The following LCNL1 variants were observed in gnomAD, a reference collection of about 807,000 sequenced individuals.
The protein encoded by LCNL1 is lipocalin-like 1 protein.
A neutral mutation model predicts 7.9 loss-of-function variants in LCNL1; 11 were observed. The ratio of observed to expected loss-of-function variants is 1.40; its 90% confidence interval spans 0.88 to 2.32. The LOEUF is 2.32. Among genes scored for constraint, LCNL1 ranks in the 30% most tolerant of loss-of-function variants. The probability of loss-of-function intolerance (pLI) is 0.00; values close to 1 mark genes in which losing one functional copy is unlikely to be tolerated. For missense variants in LCNL1, 218 were observed against 217.0 expected, an observed-to-expected ratio of 1.00 and a Z score of -0.03; for synonymous variants, 90 against 92.5, an observed-to-expected ratio of 0.97 and a Z score of 0.15.
chr9:136,984,865 G>A lies in LCNL1; in HGVS notation c.349G>A (p.Gly117Arg). 6.4e-7 allele frequency: 1 copy of A among 1,560,908 alleles called. No homozygotes were observed. Among genetic ancestry groups the A allele is most frequent in the South Asian group, 1.2e-5 (1 of 84,986 alleles). ...AGRRPRHPRF[G>R]SGMSPLCLHQ... ...GCGGAGACCCAGACACCCCCGCTTC[G>A]GGTCTGGGATGTCACCCCTGTGCCT... Residue 117 changes from glycine to arginine, a missense_variant, in exon 3 of 3, where the codon GGG (glycine) becomes AGG (arginine). Physicochemically the swap from Gly to Arg is moderately radical, Grantham distance 125 (BLOSUM62 -2). Transcript: ENST00000408973.
chr9:136,984,455 T>C, intron 1 of LCNL1, 35 bp from the exon 2 acceptor site: 2 of 1,520,452 alleles, frequency 1.3e-6, no homozygotes, highest in Non-Finnish European at 1.8e-6. Flanking sequence ...TGGGCAGGGG[T>C]GGCCACTCAG....
At position 136,983,379 on chromosome 9, in the gene LCNL1, C is replaced by T. The variant is rs376084629; in HGVS notation, c.-208C>T. ...CCCCTGGGTGCCAGCTGCAGACAGG[C>T]CGGTGCTGGGCTGGTGGGGGCCAGT... is the stretch of plus-strand genomic sequence containing the variant. On this transcript the variant is annotated 5_prime_UTR_variant, in exon 1 of 3. Transcript: ENST00000408973. 29 of 569,486 alleles carry T rather than the reference C, an allele frequency of 5.1e-5. No homozygotes were observed. In the East Asian group the frequency reaches 7.8e-4, roughly 15 times the overall value. 35.3% of individuals were successfully genotyped at this position (569,486 alleles called of 1,614,324 possible). A position where few individuals can be genotyped will look rare whatever the true frequency, so the allele number is the denominator to read the frequency against.
At chr9:136,984,314 C>A in intron 1 of LCNL1, 176 bp from the exon 2 acceptor site, 1 of 570,138 alleles carries the variant, frequency 1.8e-6, no homozygotes, top group Non-Finnish European at 3.0e-6. Flanking sequence ...GTACTTAATA[C>A]CCACCCCACC....
intron 1 of LCNL1, chr9:136,983,951 T>A: frequency 1.9e-6 from 1 of 528,548 alleles, no homozygotes; most frequent in Non-Finnish European, 3.5e-6. Context: ...TGTCTGTGTG[T>A]GTATCACTGT....
chr9:136,984,130 GTGTC>G (rs1830470705), intron 1 of LCNL1: 1 of 413,446 alleles, frequency 2.4e-6, no homozygotes. Flanking sequence ...CTGGCTGTGT[GTGTC>G]TATCTCTGTG....
Position 136,984,667 on chromosome 9 carries a change from G to T in LCNL1, c.197-46G>T, listed in dbSNP as rs760662625. On this transcript the variant is annotated intron_variant, in intron 2 of 2. Transcript: ENST00000408973. The stretch of plus-strand genomic sequence containing the variant: ...GGGGCGTGAGGGGTGCCACGCTCGG[G>T]GGGGAGGTGCCCTGGGCCTGGGGTC... The T allele has an allele frequency of 2.7e-4, 407 of 1,514,390 alleles. 1 individual carries two copies. The highest frequency in any genetic ancestry group is 9.1e-4 in the Admixed American group (43 of 47,176). The allele number at this position is 1,514,390 out of a possible 1,614,324, so 93.8% of individuals were successfully genotyped here. A position where few individuals can be genotyped will look rare whatever the true frequency, so the allele number is the denominator to read the frequency against.
In LCNL1 at chr9:136,985,249, G is replaced by C. The variant is rs1422244584; in HGVS notation, c.*238G>C. The C allele has an allele frequency of 4.1e-6, 2 of 490,332 alleles. No individual in the cohort carries two copies. Among genetic ancestry groups the C allele is most frequent in the East Asian group, 6.9e-5 (2 of 29,174 alleles). The allele number at this position is 490,332 out of a possible 1,614,324, so 30.4% of individuals were successfully genotyped here. A position where few individuals can be genotyped will look rare whatever the true frequency, so the allele number is the denominator to read the frequency against. On this transcript the variant is annotated 3_prime_UTR_variant, in exon 3 of 3. Coordinates refer to ENST00000408973, the MANE Select transcript of LCNL1 (RefSeq NM_207510.4). ...TCTCAGATTCGGGACAGAAGTGCCC[G>C]GGGCAGACCCAGCCTGTCTGGGTCG...
At position 136,985,046 on chromosome 9, in the gene LCNL1, C is replaced by G. The variant is rs1189586831; in HGVS notation, c.*35C>G. ...CCTCCCCACCTTCAGCTCGAGCGCC[C>G]GAGCTGTTTCCCGAAGGCGCCCAGA... is the stretch of plus-strand genomic sequence containing the variant. On this transcript the variant is annotated 3_prime_UTR_variant, in exon 3 of 3. Coordinates refer to ENST00000408973, the MANE Select transcript of LCNL1 (RefSeq NM_207510.4). 7.0e-7 allele frequency: 1 copy of G among 1,432,848 alleles called. No individual in the cohort carries two copies. Among genetic ancestry groups the G allele is most frequent in the South Asian group, 1.5e-5 (1 of 68,834 alleles). 88.8% of individuals were successfully genotyped at this position (1,432,848 alleles called of 1,614,324 possible). A position where few individuals can be genotyped will look rare whatever the true frequency, so the allele number is the denominator to read the frequency against.
In LCNL1 at chr9:136,983,496, G is replaced by A. The variant is rs898919656; in HGVS notation, c.-91G>A. The A allele has an allele frequency of 5.1e-5, 78 of 1,527,444 alleles. No homozygotes were observed. Among genetic ancestry groups the A allele is most frequent in the Admixed American group, 3.2e-4 (19 of 58,936 alleles). 94.6% of individuals were successfully genotyped at this position (1,527,444 alleles called of 1,614,324 possible). A position where few individuals can be genotyped will look rare whatever the true frequency, so the allele number is the denominator to read the frequency against. On this transcript the variant is annotated 5_prime_UTR_variant, in exon 1 of 3. Transcript: ENST00000408973. ...GCCGTGGCCAGGAAGCAGCTGTGTC[G>A]GGGCAGAATGTGGTGGGCTCAGGCC...
In LCNL1 at chr9:136,984,740, C is replaced by G; in HGVS notation, c.224C>G (p.Ala75Gly). ...ATGGCCCTGAGTGACATCCGAGTGG[C>G]CTTCTCCGACTACCAGCACTTTGCC... ...PAMALSDIRV[A>G]FSDYQHFALL... Residue 75 changes from alanine (A) to glycine (G), a missense_variant, in exon 3 of 3, where the codon GCC becomes GGC. Transcript: ENST00000408973. 6.5e-7 allele frequency: 1 copy of G among 1,537,592 alleles called. No individual in the cohort carries two copies. Among genetic ancestry groups the G allele is most frequent in the Non-Finnish European group, 8.8e-7 (1 of 1,137,390 alleles).
intron 1 of LCNL1, 30 bp from the exon 2 acceptor site, chr9:136,984,460 A>T: frequency 1.3e-6 from 2 of 1,529,460 alleles, no homozygotes; most frequent in Non-Finnish European, 1.8e-6. Flanking sequence ...AGGGGTGGCC[A>T]CTCAGGGGAT....
chr9:136,985,042 CG>C lies in LCNL1; in HGVS notation c.*32del. 1 of 1,438,868 alleles carries C rather than the reference CG, an allele frequency of 6.9e-7. No homozygotes were observed. Among genetic ancestry groups the C allele is most frequent in the South Asian group, 1.4e-5 (1 of 69,916 alleles). 89.1% of individuals were successfully genotyped at this position (1,438,868 alleles called of 1,614,324 possible). A position where few individuals can be genotyped will look rare whatever the true frequency, so the allele number is the denominator to read the frequency against. On this transcript the variant is annotated 3_prime_UTR_variant, in exon 3 of 3. Coordinates refer to ENST00000408973, the MANE Select transcript of LCNL1 (RefSeq NM_207510.4). ...CCGCCCTCCCCACCTTCAGCTCGAG[CG>C]CCCGAGCTGTTTCCCGAAGGCGCCC...
rs970681714 is a variant in LCNL1, at chr9:136,984,207, G to A, written c.123-283G>A. ...TGTGTCTGTGTCTGTGTCTATCTCCGTGTGTGTGCATGTGTGTATGTGTGT... is the reference window on the plus strand; with the variant it reads ...TGTGTCTGTGTCTGTGTCTATCTCCATGTGTGTGCATGTGTGTATGTGTGT... On this transcript the variant is annotated intron_variant, in intron 1 of 2. Transcript: ENST00000408973. The A allele has an allele frequency of 1.2e-5, 6 of 480,876 alleles. No individual in the cohort carries two copies. The East Asian group carries it at 1.6e-4, about 13-fold the overall frequency. The allele number at this position is 480,876 out of a possible 1,614,324, so 29.8% of individuals were successfully genotyped here.
Position 136,984,884 on chromosome 9 carries a change from T to C in LCNL1, c.368T>C (p.Leu123Pro), listed in dbSNP as rs775802711. 10 of 1,558,848 alleles carry C rather than the reference T, an allele frequency of 6.4e-6. No homozygotes were observed. In the South Asian group the frequency reaches 8.3e-5, roughly 13 times the overall value. Residue 123 changes from leucine (L) to proline (P), a missense_variant, in exon 3 of 3, where the codon CTG (leucine) becomes CCG (proline). Transcript: ENST00000408973. ...CGCTTCGGGTCTGGGATGTCACCCC[T>C]GTGCCTGCACCAGCCCTTTCTGCAC... ...HPRFGSGMSP[L>P]CLHQPFLHAE...
chr9:136,983,818 C>T (rs1044801265), intron 1 of LCNL1, 110 bp downstream of exon 1: 36 of 1,487,400 alleles, frequency 2.4e-5, no homozygotes, highest in East Asian at 1.6e-4. Context: ...GGTCAGACCA[C>T]GGGTCCTCGA....
In LCNL1 at chr9:136,985,180, G is replaced by C. The variant is rs545475223; in HGVS notation, c.*169G>C. 7.8e-5 allele frequency: 51 copies of C among 656,348 alleles called. 1 individual carries two copies. In the South Asian group the frequency reaches 9.9e-4, roughly 13 times the overall value. The allele number at this position is 656,348 out of a possible 1,614,324, so 40.7% of individuals were successfully genotyped here. On this transcript the variant is annotated 3_prime_UTR_variant, in exon 3 of 3. Coordinates refer to ENST00000408973, the MANE Select transcript of LCNL1 (RefSeq NM_207510.4). ...CCCTGCTGGGAGGGCCAGGCCCCGG[G>C]TCACACCCCTGCTGGAAGGGCCAGG...
rs1338289468 is a variant in LCNL1, at chr9:136,983,664, C to G, written c.78C>G (p.Thr26=). 6.2e-7 allele frequency: 1 copy of G among 1,614,040 alleles called. No individual in the cohort carries two copies. The highest frequency in any genetic ancestry group is 8.5e-7 in the Non-Finnish European group (1 of 1,179,966). Residue 26 remains threonine, a synonymous_variant, in exon 1 of 3, where the codon ACC becomes ACG. Coordinates refer to ENST00000408973, the MANE Select transcript of LCNL1 (RefSeq NM_207510.4). The stretch of plus-strand genomic sequence containing the variant: ...TGAAGATGGCTGTGGTCTTAGTGAC[C>G]CCCTTGGGGAATGGTGACCTGGCCC... The part of the protein sequence containing the change: ...DTMKMAVVLV[T]PLGNGDLALK...
rs958333951 is a variant in LCNL1 at position 136,983,370 on chromosome 9, G to A, written c.-217G>A. The A allele has an allele frequency of 2.8e-5, 15 of 542,914 alleles. No homozygotes were observed. The highest frequency in any genetic ancestry group is 4.0e-5 in the Non-Finnish European group (12 of 299,162). The allele number at this position is 542,914 out of a possible 1,614,324, so 33.6% of individuals were successfully genotyped here. A position where few individuals can be genotyped will look rare whatever the true frequency, so the allele number is the denominator to read the frequency against. On this transcript the variant is annotated 5_prime_UTR_variant, in exon 1 of 3. Transcript: ENST00000408973. ...CAGCCGTACCCCCTGGGTGCCAGCT[G>A]CAGACAGGCCGGTGCTGGGCTGGTG... is the stretch of plus-strand genomic sequence containing the variant.
rs958447533 is a variant in LCNL1, at chr9:136,983,110, C to T, written c.-477C>T. 3.5e-5 allele frequency: 6 copies of T among 171,014 alleles called. No individual in the cohort carries two copies. In the East Asian group the frequency reaches 9.3e-4, roughly 27 times the overall value. 10.6% of individuals were successfully genotyped at this position (171,014 alleles called of 1,614,324 possible). A position where few individuals can be genotyped will look rare whatever the true frequency, so the allele number is the denominator to read the frequency against. On this transcript the variant is annotated 5_prime_UTR_variant, in exon 1 of 3. Coordinates refer to ENST00000408973, the MANE Select transcript of LCNL1 (RefSeq NM_207510.4). ...GTGCTGCACCCCGGGTCCCTGTCCA[C>T]ACCCTCTTTGATCCAGGCTCAGCAG...
Sources: allele counts gnomAD v4.1 joint callset, GRCh38; gene constraint gnomAD v4.1.1; transcripts MANE v1.5; gene names NCBI Gene and HGNC (gene_info 2026-07-23, HGNC 2026-07-21).